Variants in NEK6 observed in about 807,000 individuals in gnomAD.
The protein encoded by NEK6 is NIMA related kinase 6.
In NEK6, 27 loss-of-function variants were observed where a neutral mutation model predicts 43.5. The ratio of observed to expected loss-of-function variants is 0.62; its 90% CI spans 0.46 to 0.86. The LOEUF (loss-of-function observed/expected upper bound fraction) is 0.86. Ranked by LOEUF, NEK6 falls within the 40% of genes least tolerant of loss-of-function variation. The pLI is 0.00. For missense variants in NEK6, 318 were observed against 414.4 expected (o/e 0.77, Z 2.02); for synonymous variants, 167 against 164.1 (o/e 1.02, Z -0.14).
At chr9:124,305,950 C>G (rs1833234856) in intron 2 of NEK6, among the ~76,000 whole-genome samples, 1 of 152,234 alleles carries the variant, frequency 6.6e-6, no homozygotes, top group Non-Finnish European at 1.5e-5. Flanking sequence ...GAAATTGAAT[C>G]TGTAGCAAAT....
At chr9:124,291,920 G>A (rs968919148) in intron 1 of NEK6, 34 of 985,658 alleles carry the variant, frequency 3.4e-5, no homozygotes, top group Admixed American at 1.2e-4. Context: ...TCTGGGGACC[G>A]GAGTCTTGGG....
At chr9:124,304,451 CTG>C (rs970812810) in intron 2 of NEK6, among the ~76,000 whole-genome samples, 1 of 152,344 alleles carries the variant, frequency 6.6e-6, no homozygotes, top group East Asian at 1.9e-4. Context: ...AGCAACCTCT[CTG>C]AGCCTCAGTT....
At chr9:124,295,709 G>A (rs1832654681) in intron 1 of NEK6, among the ~76,000 whole-genome samples, 2 of 152,250 alleles carry the variant, frequency 1.3e-5, no homozygotes, top group African/African-American at 4.8e-5. Flanking sequence ...CCTGGCGCAT[G>A]TGTGGTGCAT....
At chr9:124,300,838 G>T (rs1295834252) in intron 1 of NEK6, among the ~76,000 whole-genome samples, 2 of 152,214 alleles carry the variant, frequency 1.3e-5, no homozygotes, top group African/African-American at 2.4e-5. Context: ...CTCTCCAGGG[G>T]TACAGCTGAG....
At chr9:124,273,482 G>T (rs10986296) in intron 1 of NEK6, among the ~76,000 whole-genome samples, 12,164 of 152,216 alleles carry the variant, frequency 0.08, 822 homozygotes, top group East Asian at 0.35. Flanking sequence ...GGGCAGTCAG[G>T]GCACGTGTGT....
intron 1 of NEK6, among the ~76,000 whole-genome samples, chr9:124,286,859 A>T (rs1022273977): frequency 6.6e-6 from 1 of 152,194 alleles, no homozygotes; most frequent in Non-Finnish European, 1.5e-5. Flanking sequence ...TCTGAGCTTT[A>T]GTTCCTTATC....
Position 124,326,210 on chromosome 9 carries a change from C to CCCCCCCCCCCCCCCCCCCCCCT in NEK6, c.406-117_406-116insCCCCCCCCCCCCCCCCCCTCCC. On this transcript the variant is annotated intron_variant, in intron 5 of 9. Coordinates refer to ENST00000320246, the MANE Select transcript of NEK6 (RefSeq NM_014397.6). This position sits in a 1 kb window ranked among gnomAD's most constrained non-coding sequence, Gnocchi z 4.5. Reference sequence around the variant, plus strand: ...TTTGCTCAGTGGCTCAATCCCCCCCCCCCGCCCCTGCCAGGCACCAGTTAC... The same window carrying CCCCCCCCCCCCCCCCCCCCCCT: ...TTTGCTCAGTGGCTCAATCCCCCCCCCCCCCCCCCCCCCCCCCCCCCTCCCGCCCCTGCCAGGCACCAGTTAC... The CCCCCCCCCCCCCCCCCCCCCCT allele has an allele frequency of 5.1e-6, 1 of 197,116 alleles. No individual in the cohort carries two copies. Among genetic ancestry groups the CCCCCCCCCCCCCCCCCCCCCCT allele is most frequent in the Admixed American group, 4.4e-5 (1 of 22,820 alleles). The allele number at this position is 197,116 out of a possible 1,614,324, so 12.2% of individuals were successfully genotyped here. A position where few individuals can be genotyped will look rare whatever the true frequency, so the allele number is the denominator to read the frequency against.
At chr9:124,284,444 T>C (rs556543840) in intron 1 of NEK6, among the ~76,000 whole-genome samples, 51 of 152,368 alleles carry the variant, frequency 3.3e-4, no homozygotes, top group African/African-American at 1.1e-3. Context: ...CTCGGGTCTT[T>C]CCTGCTCCCA....
chr9:124,343,160 G>A lies in NEK6; in HGVS notation c.717+3495G>A, dbSNP rs566020754. ...CTGGCATTGAGGCTCGGGTTACGCC[G>A]AGCTGACTCATTTGTTGGAGTGAGT... On this transcript the variant is annotated intron_variant, in intron 8 of 9. Transcript: ENST00000320246. This position sits in a 1 kb window ranked among gnomAD's most constrained non-coding sequence, Gnocchi z 5.1. Among the ~76,000 whole-genome samples the A allele has an allele frequency of 3.9e-5, 6 of 151,998 alleles. No individual in the cohort carries two copies. Among genetic ancestry groups the A allele is most frequent in the Non-Finnish European group, 5.9e-5 (4 of 67,946 alleles).
intron 1 of NEK6, 46 bp from the exon 2 acceptor site, chr9:124,301,890 G>C: frequency 6.9e-7 from 1 of 1,454,634 alleles, no homozygotes; most frequent in Non-Finnish European, 9.4e-7. Flanking sequence ...TCCTCCTTCT[G>C]AGGGTCTCAA....
At chr9:124,342,482 A>C (rs1000181137) in intron 8 of NEK6, among the ~76,000 whole-genome samples, 10 of 152,232 alleles carry the variant, frequency 6.6e-5, no homozygotes, top group African/African-American at 2.4e-4. Context: ...ATGAGTGGCC[A>C]GCCCACCTTG....
At chr9:124,292,520 A>T in intron 1 of NEK6, 1 of 1,536,940 alleles carries the variant, frequency 6.5e-7, no homozygotes, top group South Asian at 1.2e-5. Flanking sequence ...GGGATTCTAG[A>T]TGCTCGCCTG....
Position 124,326,600 on chromosome 9 carries a change from C to T in NEK6, c.514+162C>T, listed in dbSNP as rs1048667787. ...CCCAGCAACCGCGCACACACACGCG[C>T]CCGGGTCAGGAACCTCCCCGAGGTG... is the stretch of plus-strand genomic sequence containing the variant. On this transcript the variant is annotated intron_variant, in intron 6 of 9. Transcript: ENST00000320246. This position sits in a 1 kb window ranked among gnomAD's most constrained non-coding sequence, Gnocchi z 4.5. Among the ~76,000 whole-genome samples, 2 of 152,188 alleles carry T rather than the reference C, an allele frequency of 1.3e-5. No individual in the cohort carries two copies. Among genetic ancestry groups the T allele is most frequent in the African/African-American group, 2.4e-5 (1 of 41,460 alleles).
At chr9:124,290,712 C>T (rs533385769) in intron 1 of NEK6, among the ~76,000 whole-genome samples, 3 of 152,342 alleles carry the variant, frequency 2.0e-5, no homozygotes, top group South Asian at 4.1e-4. Flanking sequence ...GGCCTCTGTG[C>T]CCTTGATCCC....
intron 1 of NEK6, chr9:124,292,723 C>G: frequency 8.9e-7 from 1 of 1,122,470 alleles, no homozygotes; most frequent in Non-Finnish European, 1.2e-6. Flanking sequence ...CCAGGCTTCT[C>G]CCTCCTGGCC....
At chr9:124,331,369 G>A (rs1225394104) in intron 7 of NEK6, among the ~76,000 whole-genome samples, 4 of 151,860 alleles carry the variant, frequency 2.6e-5, no homozygotes, top group Non-Finnish European at 1.5e-5. Flanking sequence ...AGGGAAGTAA[G>A]AGAGACCACA....
chr9:124,261,318 A>G (rs1831022029), intron 1 of NEK6: 1 of 828,074 alleles, frequency 1.2e-6, no homozygotes, highest in South Asian at 5.5e-5. Flanking sequence ...GATACTTTTC[A>G]TAAGGGAAGT....
intron 8 of NEK6, among the ~76,000 whole-genome samples, chr9:124,340,423 G>A (rs551117532): frequency 1.3e-5 from 2 of 152,300 alleles, no homozygotes; most frequent in Admixed American, 1.3e-4. Flanking sequence ...AGCCACACAA[G>A]CTCCCCACTG....
intron 3 of NEK6, among the ~76,000 whole-genome samples, chr9:124,313,049 T>C (rs906514698): frequency 2.0e-5 from 3 of 152,190 alleles, no homozygotes; most frequent in Non-Finnish European, 4.4e-5. Context: ...TCCACAGTTC[T>C]GGGCTTCCTG....
Sources: allele counts gnomAD v4.1 joint callset (sites outside exome capture counted in the v4.1 genomes callset), GRCh38; gene constraint gnomAD v4.1.1; non-coding constraint Gnocchi (gnomAD v3.1); transcripts MANE v1.5; gene names NCBI Gene and HGNC (gene_info 2026-07-23, HGNC 2026-07-21).